ATG2B: variants seen among roughly 807,000 people sequenced by gnomAD.
ATG2B encodes autophagy related 2B, also known as autophagy-related protein 2 homolog B.
In ATG2B, 121 loss-of-function variants were observed where a neutral mutation model predicts 241.3. The ratio of observed to expected loss-of-function variants is 0.50; its 90% confidence interval spans 0.43 to 0.58. ATG2B has a LOEUF of 0.58. ATG2B is among the 20% of genes least tolerant of loss of function. The pLI is 0.00. For synonymous variants in ATG2B, 858 were observed against 876.6 expected (o/e 0.98, Z 0.37); for missense variants, 2,306 against 2,491.6 (o/e 0.93, Z 1.59).
At chr14:96,307,008 T>A in intron 29 of ATG2B, 92 bp from the exon 30 acceptor site, 1 of 1,003,596 alleles carries the variant, frequency 1.0e-6, no homozygotes, top group Non-Finnish European at 1.5e-6. Context: ...TTGTGTGCTT[T>A]TACCTGCAAT....
intron 29 of ATG2B, among the ~76,000 whole-genome samples, chr14:96,308,328 G>A (rs1289369082): frequency 1.6e-5 from 2 of 126,216 alleles, no homozygotes; most frequent in East Asian, 4.7e-4. Flanking sequence ...TCTATTACCC[G>A]GGCTGGAGTG....
intron 1 of ATG2B, among the ~76,000 whole-genome samples, chr14:96,354,628 G>T (rs569604306): frequency 2.6e-5 from 4 of 152,062 alleles, no homozygotes; most frequent in Middle Eastern, 3.2e-3. Context: ...ATTCCTTTGG[G>T]TATATACCCA....
chr14:96,348,668 C>CAA lies in ATG2B; in HGVS notation c.163-1329_163-1328dup, dbSNP rs201521690. Reference sequence around the variant, plus strand: ...GCCTGGGCGACAGGGGACTCCATCTCAAAAAAAAAAAAAAATGAGTAAGAT... The same window carrying CAA: ...GCCTGGGCGACAGGGGACTCCATCTCAAAAAAAAAAAAAAAAATGAGTAAGAT... On this transcript the variant is annotated intron_variant, in intron 1 of 41. Coordinates refer to ENST00000359933, the MANE Select transcript of ATG2B (RefSeq NM_018036.7). 5.0e-3 allele frequency among the ~76,000 whole-genome samples: 545 copies of CAA among 108,322 alleles called. 21 individuals are homozygous for CAA. In the South Asian group the frequency reaches 0.069, roughly 14 times the overall value. 71.1% of individuals were successfully genotyped at this position (108,322 alleles called of 152,430 possible).
intron 30 of ATG2B, 94 bp from the exon 31 acceptor site, chr14:96,305,909 T>C: frequency 1.1e-6 from 1 of 903,990 alleles, no homozygotes; most frequent in Non-Finnish European, 1.7e-6. Flanking sequence ...GCTTCTACAT[T>C]CTTTTTAATA....
chr14:96,321,844 C>T (rs537141897), intron 18 of ATG2B, among the ~76,000 whole-genome samples: 12 of 152,190 alleles, frequency 7.9e-5, no homozygotes, highest in Admixed American at 5.2e-4. Context: ...TGTATTTGAT[C>T]GGTAACCTGC....
In ATG2B at chr14:96,282,180, T is replaced by C. The variant is rs1372075133; in HGVS notation, c.*3575A>G. 6.6e-6 allele frequency: 1 copy of C among 152,252 alleles called. No homozygotes were observed. The highest frequency in any genetic ancestry group is 2.4e-5 in the African/African-American group (1 of 41,470). 9.4% of individuals were successfully genotyped at this position (152,252 alleles called of 1,614,324 possible). On this transcript the variant is annotated 3_prime_UTR_variant, in exon 42 of 42. Transcript: ENST00000359933. ...AAAGAAATTTTTCCTTCATTATCTA[T>C]AAACTATACAAATAACCTTCCTTTT... is the stretch of plus-strand genomic sequence containing the variant.
At chr14:96,356,321 C>T (rs941407869) in intron 1 of ATG2B, among the ~76,000 whole-genome samples, 7 of 151,978 alleles carry the variant, frequency 4.6e-5, no homozygotes, top group African/African-American at 1.7e-4. Context: ...ATTTTTGTGC[C>T]TACTTTACAA....
At chr14:96,361,530 T>A (rs1257200348) in intron 1 of ATG2B, among the ~76,000 whole-genome samples, 1 of 152,202 alleles carries the variant, frequency 6.6e-6, no homozygotes, top group Non-Finnish European at 1.5e-5. Context: ...ATCAAAAGTA[T>A]AGAATCATGG....
intron 8 of ATG2B, among the ~76,000 whole-genome samples, chr14:96,333,374 C>G (rs1887789160): frequency 6.6e-6 from 1 of 152,046 alleles, no homozygotes; most frequent in African/African-American, 2.4e-5. Context: ...AATAATTTGA[C>G]AAAATATATA....
At chr14:96,358,772 T>TA (rs1328472349) in intron 1 of ATG2B, among the ~76,000 whole-genome samples, 1 of 150,644 alleles carries the variant, frequency 6.6e-6, no homozygotes, top group African/African-American at 2.4e-5. Flanking sequence ...TTTTTTTTTT[T>TA]AGTCACCACT....
At chr14:96,302,401 T>C (rs962487616) in intron 33 of ATG2B, among the ~76,000 whole-genome samples, 4 of 151,838 alleles carry the variant, frequency 2.6e-5, no homozygotes, top group Non-Finnish European at 5.9e-5. Flanking sequence ...CTGTGCAATA[T>C]AGGAAAACCC....
At chr14:96,348,265 T>C (rs1209016921) in intron 1 of ATG2B, among the ~76,000 whole-genome samples, 3 of 152,156 alleles carry the variant, frequency 2.0e-5, no homozygotes, top group Non-Finnish European at 4.4e-5. Flanking sequence ...TTCTCACTTA[T>C]CTATGGAAGC....
Position 96,323,800 on chromosome 14 carries a change from T to G in ATG2B, c.2540+96A>C, listed in dbSNP as rs1887518674. 7 of 807,344 alleles carry G rather than the reference T, an allele frequency of 8.7e-6. 1 individual carries two copies. In the South Asian group the frequency reaches 9.1e-5, roughly 10 times the overall value. The allele number at this position is 807,344 out of a possible 1,614,324, so 50.0% of individuals were successfully genotyped here. On this transcript the variant is annotated intron_variant, in intron 16 of 41. Coordinates refer to ENST00000359933, the MANE Select transcript of ATG2B (RefSeq NM_018036.7). The stretch of plus-strand genomic sequence containing the variant: ...ACCACAAAAGAATCAAGGATGGACA[T>G]GTTTAGCTTATATTTAATAGACAAA...
intron 21 of ATG2B, among the ~76,000 whole-genome samples, 158 bp downstream of exon 21, chr14:96,316,375 G>C (rs1416938840): frequency 6.6e-6 from 1 of 152,158 alleles, no homozygotes; most frequent in East Asian, 1.9e-4. Context: ...ACCTGAAGTT[G>C]ACTTCTAATT....
chr14:96,336,696 A>G (rs1181154697), intron 6 of ATG2B, among the ~76,000 whole-genome samples: 1 of 152,222 alleles, frequency 6.6e-6, no homozygotes, highest in Non-Finnish European at 1.5e-5. Flanking sequence ...AGTTATTGCT[A>G]TGCTTCCTCC....
chr14:96,347,972 T>C (rs764912439), intron 1 of ATG2B, among the ~76,000 whole-genome samples: 97 of 152,168 alleles, frequency 6.4e-4, no homozygotes, highest in Middle Eastern at 6.3e-3. Flanking sequence ...GATTCGGCAA[T>C]CCCACTGTTA....
chr14:96,290,707 T>TC lies in ATG2B; in HGVS notation c.5701+106_5701+107insG. 1.3e-6 allele frequency: 2 copies of TC among 1,542,648 alleles called. No individual in the cohort carries two copies. Among genetic ancestry groups the TC allele is most frequent in the Non-Finnish European group, 1.8e-6 (2 of 1,137,560 alleles). ...GCAAAGTTTTGTGTATATGAGTACA[T>TC]ATGTGAGTTTTCTAGACTAATGGTC... is the stretch of plus-strand genomic sequence containing the variant. On this transcript the variant is annotated intron_variant, in intron 39 of 41. Coordinates refer to ENST00000359933, the MANE Select transcript of ATG2B (RefSeq NM_018036.7). This position sits in a 1 kb window ranked among gnomAD's most constrained non-coding sequence, Gnocchi z 4.4.
chr14:96,321,479 T>C (rs933759003), intron 18 of ATG2B, among the ~76,000 whole-genome samples: 6 of 152,306 alleles, frequency 3.9e-5, no homozygotes, highest in Admixed American at 2.6e-4. Flanking sequence ...TGTTATATCA[T>C]TTAATCCTCC....
At position 96,325,685 on chromosome 14, in the gene ATG2B, G is replaced by T. The variant is rs1416285327; in HGVS notation, c.2401C>A (p.Gln801Lys). The change falls in exon 15 of 42, where the codon CAA (glutamine) becomes AAA (lysine). Residue 801 changes from glutamine (Q) to lysine (K), a missense_variant. Coordinates refer to ENST00000359933, the MANE Select transcript of ATG2B (RefSeq NM_018036.7). ...CTAAAGGTAAGTTCCAATTTAATTT[G>T]TTCTGGGGTTGATCCTCCTATAAAT... is the stretch of plus-strand genomic sequence containing the variant. ...TEFIGGSTPE[Q>K]IKLELTFREL... is the part of the protein sequence containing the mutation. The T allele has an allele frequency of 6.2e-7, 1 of 1,613,584 alleles. No individual in the cohort carries two copies. The highest frequency in any genetic ancestry group is 2.2e-5 in the East Asian group (1 of 44,846).
Sources: gnomAD v4.1 joint callset for allele counts (sites outside exome capture counted in the v4.1 genomes callset) on GRCh38, gnomAD v4.1.1 for gene constraint, Gnocchi (gnomAD v3.1) non-coding constraint, MANE v1.5 for transcripts, NCBI Gene and HGNC (gene_info 2026-07-23, HGNC 2026-07-21) for gene names.